Variants in MRPS28 observed in about 807,000 individuals in gnomAD.
MRPS28 encodes the protein small ribosomal subunit protein bS1m.
In MRPS28, 7 loss-of-function variants were observed where a neutral mutation model predicts 10.8. The observed-to-expected ratio is 0.65, with a 90% CI of 0.37 to 1.22. The LOEUF is 1.22. Among genes scored for constraint, MRPS28 ranks in the 50% most tolerant of loss-of-function variants. The pLI, the probability that MRPS28 is intolerant of heterozygous loss-of-function variation, is 0.02. For synonymous variants in MRPS28, 121 were observed against 93.3 expected (o/e 1.30, Z -1.71); for missense variants, 265 against 232.9 (o/e 1.14, Z -0.90).
chr8:79,947,123 A>G (rs1435877115), intron 2 of MRPS28, among the ~76,000 whole-genome samples: 3 of 152,222 alleles, frequency 2.0e-5, no homozygotes, highest in Non-Finnish European at 4.4e-5. Context: ...AAAATCCAAC[A>G]GTCTTTATAT....
At chr8:79,958,650 C>T (rs937487900) in intron 2 of MRPS28, among the ~76,000 whole-genome samples, 3 of 152,080 alleles carry the variant, frequency 2.0e-5, no homozygotes, top group African/African-American at 4.8e-5. Context: ...AGTGATTTAG[C>T]GATTTAGTGA....
intron 2 of MRPS28, among the ~76,000 whole-genome samples, chr8:79,936,804 A>G (rs1806616191): frequency 6.6e-6 from 1 of 152,170 alleles, no homozygotes; most frequent in Admixed American, 6.5e-5. Flanking sequence ...CTATCTCAGG[A>G]TGGTGTGATA....
rs1287461391 is a variant in MRPS28, at chr8:79,982,986, CCCCCG to C, written c.395+20008_395+20012del. On this transcript the variant is annotated intron_variant, in intron 2 of 2. Coordinates refer to ENST00000276585, the MANE Select transcript of MRPS28 (RefSeq NM_014018.3). The stretch of plus-strand genomic sequence containing the variant: ...CCTCAAGTGGGTCCCTGACGCCTGA[CCCCCG>C]ACCCCCGAGCAGCCTAACTGGGAGG... Among the ~76,000 whole-genome samples, 159 of 124,756 alleles carry C rather than the reference CCCCCG, an allele frequency of 1.3e-3. 2 individuals are homozygous for C. Among genetic ancestry groups the C allele is most frequent in the African/African-American group, 5.0e-3 (151 of 30,318 alleles). The allele number at this position is 124,756 out of a possible 152,430, so 81.8% of individuals were successfully genotyped here.
At chr8:79,957,546 CAA>C (rs35772888) in intron 2 of MRPS28, among the ~76,000 whole-genome samples, 50 of 84,946 alleles carry the variant, frequency 5.9e-4, no homozygotes, top group East Asian at 2.6e-3. Flanking sequence ...CTTGTCTCTA[CAA>C]AAAAAAAAAA....
chr8:80,004,416 G>A (rs1457096535), intron 1 of MRPS28, among the ~76,000 whole-genome samples: 2 of 152,214 alleles, frequency 1.3e-5, no homozygotes, highest in African/African-American at 4.8e-5. Context: ...CAGACCTGCA[G>A]CTGAGGGTCC....
chr8:79,959,626 C>T lies in MRPS28; in HGVS notation c.396-40478G>A, dbSNP rs555151233. 3.0e-4 allele frequency among the ~76,000 whole-genome samples: 46 copies of T among 152,146 alleles called. No homozygotes were observed. In the South Asian group the frequency reaches 8.7e-3, roughly 29 times the overall value. ...TTTGCAGCAAATAGAAATGTAAGCA[C>T]ATTTACAATATGGGTTTTGGGTATG... is the stretch of plus-strand genomic sequence containing the variant. On this transcript the variant is annotated intron_variant, in intron 2 of 2. Coordinates refer to ENST00000276585, the MANE Select transcript of MRPS28 (RefSeq NM_014018.3).
At chr8:80,005,832 A>C (rs1434318114) in intron 1 of MRPS28, among the ~76,000 whole-genome samples, 1 of 152,218 alleles carries the variant, frequency 6.6e-6, no homozygotes, top group African/African-American at 2.4e-5. Context: ...AGCGGTTGCA[A>C]TCCTAGTCTC....
chr8:80,016,617 A>G (rs1809203244), intron 1 of MRPS28, among the ~76,000 whole-genome samples: 1 of 152,186 alleles, frequency 6.6e-6, no homozygotes, highest in East Asian at 1.9e-4. Context: ...TACATAAAGA[A>G]AGGCAGAACA....
chr8:80,014,068 A>G (rs904408612), intron 1 of MRPS28, among the ~76,000 whole-genome samples: 4 of 152,184 alleles, frequency 2.6e-5, no homozygotes, highest in Non-Finnish European at 5.9e-5. Context: ...AATGAAGCAG[A>G]GTGAAATTCA....
intron 2 of MRPS28, among the ~76,000 whole-genome samples, chr8:79,960,363 G>A (rs1170576731): frequency 6.6e-6 from 1 of 152,090 alleles, no homozygotes; most frequent in Non-Finnish European, 1.5e-5. Context: ...TCCTGGCTCT[G>A]TGCCAGAGCC....
intron 2 of MRPS28, among the ~76,000 whole-genome samples, chr8:79,976,977 G>A (rs777132565): frequency 6.6e-6 from 1 of 152,020 alleles, no homozygotes; most frequent in African/African-American, 2.4e-5. Context: ...GTTCCAGACT[G>A]TGTCATTTGT....
chr8:79,935,455 G>A (rs1342420218), intron 2 of MRPS28, among the ~76,000 whole-genome samples: 1 of 150,966 alleles, frequency 6.6e-6, no homozygotes, highest in Non-Finnish European at 1.5e-5. Context: ...TTGTTTGTTT[G>A]TTTAACACAA....
At chr8:79,946,585 A>G (rs1236754240) in intron 2 of MRPS28, among the ~76,000 whole-genome samples, 1 of 152,120 alleles carries the variant, frequency 6.6e-6, no homozygotes, top group African/African-American at 2.4e-5. Context: ...GGGGAAAAAA[A>G]ATCTCTAGAA....
chr8:79,941,052 C>T (rs1174713384), intron 2 of MRPS28, among the ~76,000 whole-genome samples: 1 of 152,068 alleles, frequency 6.6e-6, no homozygotes, highest in Non-Finnish European at 1.5e-5. Flanking sequence ...TTGGGAGCCC[C>T]AGGCAGAAGG....
At chr8:79,999,686 A>G (rs369088218) in intron 2 of MRPS28, among the ~76,000 whole-genome samples, 22 of 152,348 alleles carry the variant, frequency 1.4e-4, no homozygotes, top group African/African-American at 4.6e-4. Context: ...TGTTATCTAC[A>G]TAGCCGTAAG....
chr8:79,999,196 G>A (rs984020085), intron 2 of MRPS28, among the ~76,000 whole-genome samples: 3 of 152,210 alleles, frequency 2.0e-5, no homozygotes, highest in Admixed American at 1.3e-4. Flanking sequence ...CTCAGTCAGA[G>A]GCCTGACAGT....
intron 2 of MRPS28, among the ~76,000 whole-genome samples, chr8:79,985,653 C>T (rs975397533): frequency 3.9e-5 from 6 of 152,224 alleles, no homozygotes; most frequent in South Asian, 2.1e-4. Context: ...AACACCTCTA[C>T]GCAAATAAAC....
At chr8:79,961,593 T>C (rs1807372065) in intron 2 of MRPS28, among the ~76,000 whole-genome samples, 1 of 152,172 alleles carries the variant, frequency 6.6e-6, no homozygotes, top group African/African-American at 2.4e-5. Flanking sequence ...CACAGGAATA[T>C]TTCTATTTAG....
intron 2 of MRPS28, among the ~76,000 whole-genome samples, chr8:79,929,246 T>A (rs1806393358): frequency 6.6e-6 from 1 of 152,186 alleles, no homozygotes; most frequent in East Asian, 1.9e-4. Flanking sequence ...TCAATAAGAA[T>A]CAACAATGTA....
Sources: gnomAD v4.1 joint callset for allele counts (sites outside exome capture counted in the v4.1 genomes callset) on GRCh38, gnomAD v4.1.1 for gene constraint, MANE v1.5 for transcripts, NCBI Gene and HGNC (gene_info 2026-07-23, HGNC 2026-07-21) for gene names.